TXNRD1: variants seen among roughly 807,000 people sequenced by gnomAD.
TXNRD1 encodes the protein thioredoxin reductase 1, also known as thioredoxin reductase 1, cytoplasmic.
In TXNRD1, 57 loss-of-function variants were observed where a neutral mutation model predicts 80.3. The observed-to-expected ratio is 0.71, with a 90% CI of 0.57 to 0.89. TXNRD1 has a LOEUF of 0.89. TXNRD1 is among the 40% of genes least tolerant of loss of function. The probability of loss-of-function intolerance (pLI) is 0.00; values close to 1 mark genes in which losing one functional copy is unlikely to be tolerated. For synonymous variants in TXNRD1, 291 were observed against 285.2 expected (o/e 1.02, Z -0.20); for missense variants, 730 against 803.0 (o/e 0.91, Z 1.10).
In TXNRD1 at chr12:104,237,729, A is replaced by G. The variant is rs570344633; in HGVS notation, c.92-13798A>G. 2.6e-5 allele frequency among the ~76,000 whole-genome samples: 4 copies of G among 152,298 alleles called. No individual in the cohort carries two copies. The South Asian group carries it at 8.3e-4, about 32-fold the overall frequency. ...TTGATTGGCTTAAAGAAAAATAAGC[A>G]CTAGGCCAGACGTGGTGGCTCATGC... On this transcript the variant is annotated intron_variant, in intron 1 of 16. Coordinates refer to ENST00000525566, the MANE Select transcript of TXNRD1 (RefSeq NM_001093771.3).
At chr12:104,338,325 G>A (rs1246411950) in intron 15 of TXNRD1, among the ~76,000 whole-genome samples, 7 of 151,742 alleles carry the variant, frequency 4.6e-5, no homozygotes, top group Admixed American at 3.3e-4. Flanking sequence ...TGTTTGAAGT[G>A]AACATCATAC....
intron 1 of TXNRD1, among the ~76,000 whole-genome samples, chr12:104,227,802 T>C (rs1324955728): frequency 6.6e-6 from 1 of 152,206 alleles, no homozygotes; most frequent in Non-Finnish European, 1.5e-5. Flanking sequence ...TTGAGATTGA[T>C]TTTTTCACAC....
chr12:104,258,003 T>G lies in TXNRD1; in HGVS notation c.244-16T>G, dbSNP rs1234220676. On this transcript the variant is annotated splice_polypyrimidine_tract_variant and intron_variant, in intron 2 of 16. Transcript: ENST00000525566. ...CTCATTTTTCATTTTCCTCCTTGTT[T>G]TTCAACTTCTTCCAGGTAAAGAAGT... 23 of 1,539,232 alleles carry G rather than the reference T, an allele frequency of 1.5e-5. No homozygotes were observed. Among genetic ancestry groups the G allele is most frequent in the Non-Finnish European group, 1.1e-5 (13 of 1,140,484 alleles).
At chr12:104,338,868 C>T (rs1410875400) in intron 15 of TXNRD1, among the ~76,000 whole-genome samples, 3 of 151,982 alleles carry the variant, frequency 2.0e-5, no homozygotes, top group Non-Finnish European at 4.4e-5. Flanking sequence ...AGGCACCCGC[C>T]ACCACGCCCG....
chr12:104,222,427 A>G (rs1230634581), intron 1 of TXNRD1, among the ~76,000 whole-genome samples: 1 of 152,258 alleles, frequency 6.6e-6, no homozygotes, highest in Non-Finnish European at 1.5e-5. Context: ...CCAATAAATG[A>G]AAGAACCAAT....
At chr12:104,270,910 AGGCCGAGGG>A (rs754918029) in intron 3 of TXNRD1, among the ~76,000 whole-genome samples, 1 of 151,892 alleles carries the variant, frequency 6.6e-6, no homozygotes, top group Non-Finnish European at 1.5e-5. Context: ...GTACTTTGGG[AGGCCGAGGG>A]GGGTGGATCA....
At chr12:104,317,487 T>C (rs188550359) in intron 7 of TXNRD1, among the ~76,000 whole-genome samples, 3 of 151,986 alleles carry the variant, frequency 2.0e-5, no homozygotes, top group African/African-American at 7.2e-5. Context: ...TATAAATCAA[T>C]TTTTTGTGCT....
chr12:104,272,521 G>T (rs757396159), intron 3 of TXNRD1, among the ~76,000 whole-genome samples: 2 of 152,150 alleles, frequency 1.3e-5, no homozygotes, highest in African/African-American at 4.8e-5. Flanking sequence ...AAGTCCCGGC[G>T]CTGTGGCTCA....
chr12:104,329,407 T>G (rs567396049), intron 13 of TXNRD1, among the ~76,000 whole-genome samples: 8 of 152,024 alleles, frequency 5.3e-5, no homozygotes, highest in Non-Finnish European at 1.0e-4. Flanking sequence ...CCCAGCACAT[T>G]GGGAGGCTGA....
At chr12:104,303,987 C>G in intron 4 of TXNRD1, 1 of 1,608,514 alleles carries the variant, frequency 6.2e-7, no homozygotes, top group Non-Finnish European at 8.5e-7. Flanking sequence ...GACCTCAGCT[C>G]TGGGGAGGCC....
chr12:104,279,182 T>G (rs1003136343), intron 3 of TXNRD1, among the ~76,000 whole-genome samples: 4 of 151,646 alleles, frequency 2.6e-5, no homozygotes, highest in Non-Finnish European at 5.9e-5. Flanking sequence ...CAGTGTAGAT[T>G]TAGAATATTT....
intron 10 of TXNRD1, among the ~76,000 whole-genome samples, chr12:104,323,564 C>T (rs2035627860): frequency 2.3e-5 from 3 of 129,382 alleles, no homozygotes; most frequent in Admixed American, 2.2e-4. Flanking sequence ...GACGGGGCGG[C>T]TGGCCGGGCG....
At chr12:104,297,190 A>G (rs1381552173) in intron 4 of TXNRD1, among the ~76,000 whole-genome samples, 2 of 151,530 alleles carry the variant, frequency 1.3e-5, no homozygotes, top group East Asian at 4.0e-4. Flanking sequence ...CTGTAATCCC[A>G]GCTACTCAGG....
intron 1 of TXNRD1, among the ~76,000 whole-genome samples, chr12:104,231,850 A>G (rs2032632355): frequency 6.6e-6 from 1 of 152,206 alleles, no homozygotes; most frequent in South Asian, 2.1e-4. Flanking sequence ...GCTGCAGGTG[A>G]TCACCACTTG....
At chr12:104,317,538 G>A (rs1159532380) in intron 7 of TXNRD1, among the ~76,000 whole-genome samples, 1 of 152,026 alleles carries the variant, frequency 6.6e-6, no homozygotes, top group African/African-American at 2.4e-5. Context: ...AGTGTTATAA[G>A]CCTATTTTCA....
chr12:104,311,987 A>AAT (rs1399169689), intron 5 of TXNRD1, among the ~76,000 whole-genome samples: 34 of 110,164 alleles, frequency 3.1e-4, no homozygotes, highest in Admixed American at 8.1e-4. Flanking sequence ...GTCTTTAAAA[A>AAT]ATATATATAT....
At chr12:104,278,376 G>A (rs1253798969) in intron 3 of TXNRD1, among the ~76,000 whole-genome samples, 5 of 146,466 alleles carry the variant, frequency 3.4e-5, no homozygotes, top group South Asian at 4.3e-4. Context: ...AATTTTTTGC[G>A]TTTTTAGTAG....
intron 3 of TXNRD1, among the ~76,000 whole-genome samples, chr12:104,271,920 A>C (rs1228284765): frequency 6.6e-6 from 1 of 152,098 alleles, no homozygotes; most frequent in Non-Finnish European, 1.5e-5. Context: ...TCACTTTAAG[A>C]AAGAGCAAAT....
intron 1 of TXNRD1, among the ~76,000 whole-genome samples, chr12:104,248,971 C>T (rs935860716): frequency 1.1e-4 from 17 of 152,314 alleles, no homozygotes; most frequent in Non-Finnish European, 8.8e-5. Context: ...CATGAGCCAC[C>T]GCCCCGGGCC....
Sources: gnomAD v4.1 joint callset for allele counts (sites outside exome capture counted in the v4.1 genomes callset) on GRCh38, gnomAD v4.1.1 for gene constraint, MANE v1.5 for transcripts, NCBI Gene and HGNC (gene_info 2026-07-23, HGNC 2026-07-21) for gene names.